DOP1B: variants seen among roughly 807,000 people sequenced by gnomAD.
The protein encoded by DOP1B is DOP1 leucine zipper like protein B, also known as protein DOP1B.
Under a neutral mutation model 233.5 loss-of-function variants are expected in DOP1B, and 174 were observed. The ratio of observed to expected loss-of-function variants is 0.75; its 90% CI spans 0.66 to 0.85. The LOEUF (loss-of-function observed/expected upper bound fraction) is 0.85. DOP1B is among the 40% of genes least tolerant of loss of function. The pLI is 0.00. For synonymous variants in DOP1B, 1,190 were observed against 1,185.6 expected, an observed-to-expected ratio of 1.00 and a Z score of -0.08; for missense variants, 2,652 against 2,846.6, an observed-to-expected ratio of 0.93 and a Z score of 1.56.
rs894706184 is a variant in DOP1B at position 36,169,781 on chromosome 21, A to G, written c.138+4910A>G. 5 of 1,261,046 alleles carry G rather than the reference A, an allele frequency of 4.0e-6. No individual in the cohort carries two copies. In the African/African-American group the frequency reaches 5.9e-5, roughly 15 times the overall value. The allele number at this position is 1,261,046 out of a possible 1,614,324, so 78.1% of individuals were successfully genotyped here. A position where few individuals can be genotyped will look rare whatever the true frequency, so the allele number is the denominator to read the frequency against. On this transcript the variant is annotated intron_variant, in intron 2 of 36. Coordinates refer to ENST00000691173, the MANE Select transcript of DOP1B (RefSeq NM_001320714.2). ...CCATCCTCATCCTGCCATTTCTTGC[A>G]GTACTTGGTAAAGGCCTTCTTCCTA...
intron 1 of DOP1B, among the ~76,000 whole-genome samples, chr21:36,162,130 C>T (rs2065874930): frequency 6.6e-6 from 1 of 152,186 alleles, no homozygotes; most frequent in South Asian, 2.1e-4. Context: ...GATTCGGTGT[C>T]TGGTGGGGCC....
chr21:36,191,692 A>G (rs2066236497), intron 2 of DOP1B, among the ~76,000 whole-genome samples: 2 of 151,994 alleles, frequency 1.3e-5, no homozygotes, highest in Non-Finnish European at 2.9e-5. Context: ...AGGCGGAGGC[A>G]GGAGAATTGC....
At chr21:36,292,311 C>T in intron 36 of DOP1B, 78 bp downstream of exon 36, 1 of 1,240,334 alleles carries the variant, frequency 8.1e-7, no homozygotes, top group South Asian at 1.5e-5. Context: ...GGTTAGAGTG[C>T]AGTGGTGCGG....
intron 15 of DOP1B, among the ~76,000 whole-genome samples, chr21:36,237,012 T>C (rs1282565556): frequency 6.6e-6 from 1 of 152,156 alleles, no homozygotes; most frequent in Non-Finnish European, 1.5e-5. Flanking sequence ...CTTGAACTCC[T>C]GACCTCAGGT....
intron 26 of DOP1B, among the ~76,000 whole-genome samples, chr21:36,267,930 T>C (rs555900271): frequency 1.3e-5 from 2 of 152,144 alleles, no homozygotes; most frequent in African/African-American, 4.8e-5. Flanking sequence ...AAAGCAGAAC[T>C]AATAATAAGG....
intron 26 of DOP1B, among the ~76,000 whole-genome samples, chr21:36,269,414 C>T (rs2067262596): frequency 6.6e-6 from 1 of 151,944 alleles, no homozygotes; most frequent in Admixed American, 6.6e-5. Context: ...CTCAGCCTCC[C>T]AAAATGCTGA....
intron 2 of DOP1B, among the ~76,000 whole-genome samples, chr21:36,198,245 C>T (rs187109698): frequency 2.6e-5 from 4 of 151,742 alleles, no homozygotes; most frequent in East Asian, 2.0e-4. Flanking sequence ...CTGGCTAACG[C>T]GGTGAAACCC....
Position 36,164,885 on chromosome 21 carries a change from ATCC to A in DOP1B, c.138+16_138+18del. On this transcript the variant is annotated intron_variant, in intron 2 of 36. Transcript: ENST00000691173. ...AAACTCAACAAGGTATGTAGGGTGT[ATCC>A]TATTTGGATTGCATGGAGGTGGGGA... 1 of 1,540,748 alleles carries A rather than the reference ATCC, an allele frequency of 6.5e-7. No homozygotes were observed. The highest frequency in any genetic ancestry group is 8.7e-7 in the Non-Finnish European group (1 of 1,145,284).
Position 36,245,161 on chromosome 21 carries a change from A to G in DOP1B, c.3181A>G (p.Thr1061Ala), listed in dbSNP as rs755144906. The G allele has an allele frequency of 2.7e-5, 43 of 1,614,036 alleles. No individual in the cohort carries two copies. In the South Asian group the frequency reaches 3.2e-4, roughly 12 times the overall value. The change falls in exon 19 of 37, where the codon ACA becomes GCA. Residue 1061 changes from threonine to alanine, a missense_variant. Coordinates refer to ENST00000691173, the MANE Select transcript of DOP1B (RefSeq NM_001320714.2). The surrounding 1 kb of genome is among the most constrained non-coding windows in gnomAD (Gnocchi z 5.5). ...EEHLPLSQFT[T>A]VDREAIWAEV... Reference sequence around the variant, plus strand: ...GCACCTGCCTCTGAGCCAGTTCACCACAGTGGACCGTGAAGCCATTTGGGC... The same window carrying G: ...GCACCTGCCTCTGAGCCAGTTCACCGCAGTGGACCGTGAAGCCATTTGGGC...
intron 18 of DOP1B, among the ~76,000 whole-genome samples, chr21:36,241,406 A>G (rs2066889780): frequency 6.6e-6 from 1 of 151,882 alleles, no homozygotes; most frequent in South Asian, 2.1e-4. Context: ...AATAAGCTCC[A>G]GACACCCCCC....
At chr21:36,273,744 G>C (rs2146238488) in intron 27 of DOP1B, among the ~76,000 whole-genome samples, 1 of 152,234 alleles carries the variant, frequency 6.6e-6, no homozygotes, top group African/African-American at 2.4e-5. Context: ...AGAAAGGGTG[G>C]AGACTGATGA....
At chr21:36,288,268 G>A (rs2067512462) in intron 33 of DOP1B, 118 bp downstream of exon 33, 1 of 1,025,820 alleles carries the variant, frequency 9.7e-7, no homozygotes, top group East Asian at 2.5e-5. Flanking sequence ...TTTTTAATCA[G>A]GTTGGTAGCA....
chr21:36,260,528 G>A, intron 23 of DOP1B, 149 bp from the exon 24 acceptor site: 1 of 969,648 alleles, frequency 1.0e-6, no homozygotes. Flanking sequence ...TACATGATGG[G>A]CACTATCATG....
At chr21:36,166,894 G>A (rs1050926071) in intron 2 of DOP1B, among the ~76,000 whole-genome samples, 3 of 152,174 alleles carry the variant, frequency 2.0e-5, no homozygotes, top group East Asian at 1.9e-4. Flanking sequence ...GTATATTTAC[G>A]ACCTGTAAAT....
At position 36,248,542 on chromosome 21, in the gene DOP1B, T is replaced by G. The variant is rs1198570670; in HGVS notation, c.4972T>G (p.Ser1658Ala). ...TCTCCTAGGGGCCACGAAGGGATCCTCTTCCGTTTACTTTAAAACCACCAA... is the reference window on the plus strand; with the variant it reads ...TCTCCTAGGGGCCACGAAGGGATCCGCTTCCGTTTACTTTAAAACCACCAA... ...VDLLGATKGS[S>A]SVYFKTTKTI... The change falls in exon 21 of 37, where the codon TCT becomes GCT. Residue 1658 changes from serine (S) to alanine (A), a missense_variant. Transcript: ENST00000691173. 1 of 1,610,414 alleles carries G rather than the reference T, an allele frequency of 6.2e-7. No individual in the cohort carries two copies. Among genetic ancestry groups the G allele is most frequent in the East Asian group, 2.2e-5 (1 of 44,862 alleles).
At chr21:36,263,231 T>G (rs2067193772) in intron 24 of DOP1B, among the ~76,000 whole-genome samples, 1 of 108,598 alleles carries the variant, frequency 9.2e-6, no homozygotes. Flanking sequence ...TAAATCTCCG[T>G]CTCACCAAAA....
intron 12 of DOP1B, among the ~76,000 whole-genome samples, chr21:36,226,810 T>A (rs886417193): frequency 6.6e-6 from 1 of 152,074 alleles, no homozygotes; most frequent in African/African-American, 2.4e-5. Flanking sequence ...CCCAGGCTGG[T>A]CTCGAACTCC....
chr21:36,223,101 T>C (rs996423857), intron 10 of DOP1B, 130 bp from the exon 11 acceptor site: 2 of 880,964 alleles, frequency 2.3e-6, no homozygotes, highest in African/African-American at 1.7e-5. Context: ...ATATTTTCAT[T>C]TTTATCAGGG....
At position 36,258,038 on chromosome 21, in the gene DOP1B, T is replaced by TGTAG. The variant is rs369900917; in HGVS notation, c.5260-2630_5260-2627dup. On this transcript the variant is annotated intron_variant, in intron 23 of 36. Transcript: ENST00000691173. ...AGGTAGAGAGATAGATGTAGTTAGA[T>TGTAG]GTAGGTAGGTAGATAGATGTAGGTA... 8.0e-3 allele frequency among the ~76,000 whole-genome samples: 1,173 copies of TGTAG among 147,406 alleles called. 9 individuals are homozygous for TGTAG. The highest frequency in any genetic ancestry group is 0.022 in the Middle Eastern group (6 of 270).
Sources: gnomAD v4.1 joint callset for allele counts (sites outside exome capture counted in the v4.1 genomes callset) on GRCh38, gnomAD v4.1.1 for gene constraint, Gnocchi (gnomAD v3.1) non-coding constraint, MANE v1.5 for transcripts, NCBI Gene and HGNC (gene_info 2026-07-23, HGNC 2026-07-21) for gene names.